The following BCL11A variants were observed in gnomAD, a reference collection of about 807,000 sequenced individuals.
BCL11A encodes the protein BCL11 transcription factor A, also known as B cell CLL/lymphoma 11A.
A neutral mutation model predicts 55.9 loss-of-function variants in BCL11A; 2 were observed. The observed-to-expected ratio is 0.04, with a 90% CI of 0.01 to 0.11. The LOEUF is 0.11. BCL11A is among the 10% of genes least tolerant of loss of function. The probability of loss-of-function intolerance (pLI) is 1.00; values close to 1 mark genes in which losing one functional copy is unlikely to be tolerated. For synonymous variants in BCL11A, 465 were observed against 473.4 expected (o/e 0.98, Z 0.23); for missense variants, 817 against 1,137.1 (o/e 0.72, Z 4.05).
chr2:60,512,775 G>A (rs1668536093), intron 2 of BCL11A, among the ~76,000 whole-genome samples: 1 of 152,200 alleles, frequency 6.6e-6, no homozygotes, highest in Admixed American at 6.5e-5. Flanking sequence ...TATGAAGACA[G>A]TTTATTCTCT....
chr2:60,512,423 G>A (rs563120891), intron 2 of BCL11A, among the ~76,000 whole-genome samples: 23 of 152,268 alleles, frequency 1.5e-4, no homozygotes, highest in Non-Finnish European at 2.9e-4. Context: ...TAAAGGATCT[G>A]TCTCCTTCTA....
chr2:60,498,321 G>A (rs552242057), intron 2 of BCL11A, among the ~76,000 whole-genome samples: 2 of 152,000 alleles, frequency 1.3e-5, no homozygotes, highest in South Asian at 4.2e-4. Flanking sequence ...CTTGGGGACC[G>A]CTCACAGGAC....
At chr2:60,480,608 A>G (rs1175133246) in intron 2 of BCL11A, among the ~76,000 whole-genome samples, 2 of 152,200 alleles carry the variant, frequency 1.3e-5, no homozygotes, top group Non-Finnish European at 2.9e-5. Context: ...CTGCTGGTCC[A>G]TCGCTTCACT....
intron 2 of BCL11A, among the ~76,000 whole-genome samples, chr2:60,512,270 G>A (rs1438111384): frequency 4.6e-5 from 7 of 152,200 alleles, no homozygotes; most frequent in Admixed American, 3.9e-4. Flanking sequence ...GTGGCTGCCC[G>A]ATGCGCTGAT....
At chr2:60,523,374 G>C (rs1024286908) in intron 2 of BCL11A, among the ~76,000 whole-genome samples, 10 of 152,234 alleles carry the variant, frequency 6.6e-5, no homozygotes, top group African/African-American at 2.2e-4. Flanking sequence ...TAAATAGTAT[G>C]GAGATAATTT....
chr2:60,551,378 G>T (rs910510710), intron 1 of BCL11A, among the ~76,000 whole-genome samples: 1 of 152,152 alleles, frequency 6.6e-6, no homozygotes, highest in Non-Finnish European at 1.5e-5. Context: ...AGGATCCAGC[G>T]CCCTTAAAAT....
At chr2:60,497,397 T>C (rs1679013554) in intron 2 of BCL11A, among the ~76,000 whole-genome samples, 1 of 152,190 alleles carries the variant, frequency 6.6e-6, no homozygotes, top group Non-Finnish European at 1.5e-5. Flanking sequence ...TGTCTTTAAG[T>C]TAATCAATCC....
Position 60,460,881 on chromosome 2 carries a change from T to C in BCL11A, c.2031A>G (p.Gly677=). ...AGGCAAAAGGCGATTGTCTGGAGTC[T>C]CCGAAGCTAAGGAAGGGATCTTTGA... The part of the protein sequence containing the change: ...RQLKDPFLSF[G]DSRQSPFASS... The change falls in exon 4 of 4, where the codon GGA becomes GGG. Residue 677 remains glycine, a synonymous_variant. Transcript: ENST00000642384. 1 of 1,613,276 alleles carries C rather than the reference T, an allele frequency of 6.2e-7. No individual in the cohort carries two copies. Among genetic ancestry groups the C allele is most frequent in the Non-Finnish European group, 8.5e-7 (1 of 1,180,030 alleles).
At chr2:60,497,547 A>G (rs1679023000) in intron 2 of BCL11A, among the ~76,000 whole-genome samples, 1 of 152,200 alleles carries the variant, frequency 6.6e-6, no homozygotes, top group African/African-American at 2.4e-5. Context: ...AATCAGCTAG[A>G]AACTCAATCG....
intron 2 of BCL11A, among the ~76,000 whole-genome samples, chr2:60,510,412 T>C (rs1198343910): frequency 2.0e-5 from 3 of 152,180 alleles, no homozygotes; most frequent in Non-Finnish European, 2.9e-5. Context: ...AAAATTCTCA[T>C]GGCCAACTTC....
intron 2 of BCL11A, among the ~76,000 whole-genome samples, chr2:60,504,684 C>T (rs1679476366): frequency 6.6e-6 from 1 of 152,182 alleles, no homozygotes. Context: ...CCTGGAAATA[C>T]AGCTGATGTA....
At chr2:60,484,062 G>A (rs1222842577) in intron 2 of BCL11A, 1 of 152,200 alleles carries the variant, frequency 6.6e-6, no homozygotes, top group East Asian at 1.9e-4. Flanking sequence ...CTGTTAATTA[G>A]AAAGCCCTCA....
At chr2:60,455,291 T>C (rs1426524481), downstream of BCL11A, among the ~76,000 whole-genome samples, 1 of 151,972 alleles carries the variant, frequency 6.6e-6, no homozygotes, top group African/African-American at 2.4e-5. Flanking sequence ...TAGTTCCTCA[T>C]TTAAAAAAAA....
chr2:60,495,221 C>T (rs1678877126), intron 2 of BCL11A, among the ~76,000 whole-genome samples: 1 of 152,208 alleles, frequency 6.6e-6, no homozygotes, highest in African/African-American at 2.4e-5. Context: ...CTACCCCACC[C>T]ACGCCCCCAC....
chr2:60,503,633 C>A (rs2104423002), intron 2 of BCL11A, among the ~76,000 whole-genome samples: 1 of 152,306 alleles, frequency 6.6e-6, no homozygotes, highest in Middle Eastern at 3.4e-3. Flanking sequence ...CCACACCCAG[C>A]AGTTCCTACC....
chr2:60,493,246 CT>C (rs1422418936), intron 2 of BCL11A, among the ~76,000 whole-genome samples: 1 of 152,208 alleles, frequency 6.6e-6, no homozygotes, highest in Non-Finnish European at 1.5e-5. Flanking sequence ...GTTGTGACCA[CT>C]TTTTGACCAC....
Position 60,514,816 on chromosome 2 carries a change from G to A in BCL11A, c.385+31155C>T, listed in dbSNP as rs1668656948. 1.4e-5 allele frequency among the ~76,000 whole-genome samples: 2 copies of A among 147,780 alleles called. 1 individual carries two copies. The highest frequency in any genetic ancestry group is 4.3e-4 in the South Asian group (2 of 4,704). On this transcript the variant is annotated intron_variant, in intron 2 of 3. Coordinates refer to ENST00000642384, the MANE Select transcript of BCL11A (RefSeq NM_022893.4). ...GCTGTGAATTCCATTGATAAGAGAGGATTTCCCTACTCAAATATCAAAGGT... is the reference window on the plus strand; with the variant it reads ...GCTGTGAATTCCATTGATAAGAGAGAATTTCCCTACTCAAATATCAAAGGT...
chr2:60,551,353 A>G (rs1670405395), intron 1 of BCL11A, among the ~76,000 whole-genome samples: 1 of 152,208 alleles, frequency 6.6e-6, no homozygotes, highest in Non-Finnish European at 1.5e-5. Context: ...CAAAGGGTGA[A>G]GTGCTCGGGG....
At position 60,459,773 on chromosome 2, in the gene BCL11A, C is replaced by A. The variant is rs1676131198; in HGVS notation, c.*631G>T. The A allele has an allele frequency of 1.5e-5, 16 of 1,041,454 alleles. No homozygotes were observed. The highest frequency in any genetic ancestry group is 1.9e-5 in the Non-Finnish European group (16 of 864,136). 64.5% of individuals were successfully genotyped at this position (1,041,454 alleles called of 1,614,324 possible). On this transcript the variant is annotated 3_prime_UTR_variant, in exon 4 of 4. Transcript: ENST00000642384. ...CTTTTTTCTTCCTTTCCAATTGATA[C>A]ATTTAACCCTTTAGAGACAGACATT...
Sources: allele counts gnomAD v4.1 joint callset (sites outside exome capture counted in the v4.1 genomes callset), GRCh38; gene constraint gnomAD v4.1.1; transcripts MANE v1.5; gene names NCBI Gene and HGNC (gene_info 2026-07-23, HGNC 2026-07-21).